The following POU2AF2 variants were observed in gnomAD, a reference collection of about 807,000 sequenced individuals.
POU2AF2 encodes POU domain class 2-associating factor 2.
At chr11:111,275,198 C>T in the POU2AF2 span, among the ~76,000 whole-genome samples, 3 of 152,148 alleles carry the variant, frequency 2.0e-5, no homozygotes, top group Non-Finnish European at 4.4e-5. Flanking sequence ...ACAGATTCAA[C>T]TCTGGTATTA....
chr11:111,270,998 C>T, the POU2AF2 span, among the ~76,000 whole-genome samples: 9 of 152,216 alleles, frequency 5.9e-5, no homozygotes, highest in South Asian at 8.3e-4. Context: ...TAAATTTCCT[C>T]GAGCAATATT....
At chr11:111,263,210 A>T in the POU2AF2 span, among the ~76,000 whole-genome samples, 1 of 152,180 alleles carries the variant, frequency 6.6e-6, no homozygotes, top group Non-Finnish European at 1.5e-5. Context: ...TAAATTTTTT[A>T]AAGTTTATTC....
chr11:111,283,932 C>T, the POU2AF2 span: 218,702 of 775,816 alleles, frequency 0.28, 32,443 homozygotes, highest in Admixed American at 0.35. Flanking sequence ...TCACGCTTTT[C>T]AAGACATTTC....
the POU2AF2 span, among the ~76,000 whole-genome samples, chr11:111,274,357 A>G: frequency 6.6e-6 from 1 of 152,148 alleles, no homozygotes; most frequent in Non-Finnish European, 1.5e-5. Flanking sequence ...TTATATATAT[A>G]AACTGACTAG....
the POU2AF2 span, among the ~76,000 whole-genome samples, chr11:111,263,858 A>G: frequency 2.6e-5 from 4 of 152,290 alleles, no homozygotes; most frequent in African/African-American, 9.6e-5. Context: ...AAGTTACTTA[A>G]CCTTGCTGCT....
At chr11:111,276,531 A>T in the POU2AF2 span, among the ~76,000 whole-genome samples, 3 of 144,244 alleles carry the variant, frequency 2.1e-5, no homozygotes, top group African/African-American at 7.6e-5. Flanking sequence ...AGTCCCAACT[A>T]CTTGGGAGGC....
chr11:111,246,493 A>C, the POU2AF2 span, among the ~76,000 whole-genome samples: 1 of 152,238 alleles, frequency 6.6e-6, no homozygotes, highest in Admixed American at 6.5e-5. Flanking sequence ...AAAAGTCAGC[A>C]CTTTAAATGT....
chr11:111,250,424 G>A, the POU2AF2 span, among the ~76,000 whole-genome samples: 1 of 152,148 alleles, frequency 6.6e-6, no homozygotes, highest in Admixed American at 6.5e-5. Flanking sequence ...AATTTTTGCA[G>A]CCAAGTTTTT....
the POU2AF2 span, among the ~76,000 whole-genome samples, chr11:111,249,381 A>G: frequency 6.6e-6 from 1 of 152,210 alleles, no homozygotes; most frequent in Non-Finnish European, 1.5e-5. Context: ...CATGAGGAAT[A>G]CTCAGCATAT....
At chr11:111,280,474 T>C in the POU2AF2 span, among the ~76,000 whole-genome samples, 24 of 152,296 alleles carry the variant, frequency 1.6e-4, no homozygotes, top group East Asian at 4.6e-3. Flanking sequence ...AGATCTTAAA[T>C]GGCATGCCTT....
the POU2AF2 span, among the ~76,000 whole-genome samples, chr11:111,261,770 C>T: frequency 6.6e-6 from 1 of 152,012 alleles, no homozygotes; most frequent in African/African-American, 2.4e-5. Flanking sequence ...AATGCTATAG[C>T]CAGGAACAGT....
chr11:111,269,983 A>G, the POU2AF2 span, among the ~76,000 whole-genome samples: 8,617 of 152,302 alleles, frequency 0.057, 777 homozygotes, highest in African/African-American at 0.19. Flanking sequence ...TGCAATAAAT[A>G]TATGACCTAA....
chr11:111,249,251 GA>G, the POU2AF2 span, among the ~76,000 whole-genome samples: 5 of 152,074 alleles, frequency 3.3e-5, no homozygotes, highest in African/African-American at 1.2e-4. Flanking sequence ...ATGCACAGGG[GA>G]AAAAAATGTT....
At chr11:111,256,039 A>G in the POU2AF2 span, 3 of 399,104 alleles carry the variant, frequency 7.5e-6, no homozygotes, top group Non-Finnish European at 1.3e-5. Context: ...GCATACAGTC[A>G]AAGATCTCCT....
the POU2AF2 span, among the ~76,000 whole-genome samples, chr11:111,273,436 T>G: frequency 6.6e-5 from 10 of 152,300 alleles, no homozygotes; most frequent in East Asian, 1.5e-3. Flanking sequence ...ATAGAAATGA[T>G]GACAATGAAA....
At chr11:111,285,797 TG>T in the POU2AF2 span, 5 of 1,609,650 alleles carry the variant, frequency 3.1e-6, no homozygotes, top group African/African-American at 6.7e-5. Context: ...GGGCTCAAGC[TG>T]GGGGTCATCC....
chr11:111,281,498 G>A, the POU2AF2 span: 110 of 1,574,280 alleles, frequency 7.0e-5, 1 homozygote, highest in African/African-American at 1.2e-3. Context: ...CAAGCATCTG[G>A]GCTTCCATTC....
At chr11:111,247,191 C>CAG in the POU2AF2 span, among the ~76,000 whole-genome samples, 1,615 of 144,854 alleles carry the variant, frequency 0.011, 32 homozygotes, top group African/African-American at 0.033. Flanking sequence ...TACACACACA[C>CAG]AGAGAGAGAG....
At chr11:111,247,090 A>G in the POU2AF2 span, among the ~76,000 whole-genome samples, 38 of 151,608 alleles carry the variant, frequency 2.5e-4, no homozygotes, top group Non-Finnish European at 2.7e-4. Context: ...GGCTTGTTTC[A>G]CTTAGCATAA....
Sources: allele counts gnomAD v4.1 joint callset (sites outside exome capture counted in the v4.1 genomes callset), GRCh38; gene constraint gnomAD v4.1.1; transcripts MANE v1.5; gene names NCBI Gene and HGNC (gene_info 2026-07-23, HGNC 2026-07-21).